The following HIPK2 variants were observed in gnomAD, a reference collection of about 807,000 sequenced individuals.
HIPK2 encodes homeodomain interacting protein kinase 2, also known as homeodomain-interacting protein kinase 2.
Under a neutral mutation model 113.7 loss-of-function variants are expected in HIPK2, and 27 were observed. That is an observed-to-expected ratio of 0.24 (90% CI 0.17 to 0.33). The LOEUF (loss-of-function observed/expected upper bound fraction) is 0.33, where lower values mean the gene tolerates loss of function less well. Ranked by LOEUF, HIPK2 falls within the 10% of genes least tolerant of loss-of-function variation. The pLI is 1.00. For synonymous variants in HIPK2, 631 were observed against 642.2 expected (o/e 0.98, Z 0.26); for missense variants, 1,257 against 1,588.0 (o/e 0.79, Z 3.54).
chr7:139,612,480 A>AACACAG (rs1332539893), intron 9 of HIPK2, among the ~76,000 whole-genome samples: 1 of 152,204 alleles, frequency 6.6e-6, no homozygotes, highest in Non-Finnish European at 1.5e-5. Context: ...TCTGATGAGC[A>AACACAG]AGTTATTCTG....
chr7:139,775,630 G>C (rs922310861), intron 1 of HIPK2, among the ~76,000 whole-genome samples: 6 of 152,086 alleles, frequency 3.9e-5, no homozygotes, highest in African/African-American at 1.4e-4. Flanking sequence ...GGGAAGGAAG[G>C]CTGGCAAATA....
intron 6 of HIPK2, among the ~76,000 whole-genome samples, chr7:139,624,863 G>T (rs532832196): frequency 3.4e-4 from 52 of 152,210 alleles, no homozygotes; most frequent in Admixed American, 5.9e-4. Flanking sequence ...CTGGGGAGAT[G>T]AGTTACACTA....
intron 12 of HIPK2, among the ~76,000 whole-genome samples, chr7:139,586,687 A>T (rs1798841343): frequency 1.3e-5 from 2 of 151,580 alleles, no homozygotes; most frequent in Non-Finnish European, 2.9e-5. Flanking sequence ...GGAGCCCAGG[A>T]GTTTGAGGCT....
chr7:139,582,052 G>A (rs930609349), intron 13 of HIPK2, among the ~76,000 whole-genome samples: 4 of 152,172 alleles, frequency 2.6e-5, no homozygotes, highest in Non-Finnish European at 5.9e-5. Context: ...GAATGACTTC[G>A]GGTGCCTCCC....
chr7:139,594,754 G>A (rs1799139195), intron 12 of HIPK2, among the ~76,000 whole-genome samples: 1 of 152,044 alleles, frequency 6.6e-6, no homozygotes, highest in African/African-American at 2.4e-5. Flanking sequence ...ACATTTTCAC[G>A]ACCCTGGCAG....
At chr7:139,687,292 T>A (rs1038227277) in intron 2 of HIPK2, among the ~76,000 whole-genome samples, 19 of 151,986 alleles carry the variant, frequency 1.3e-4, no homozygotes, top group Non-Finnish European at 2.6e-4. Flanking sequence ...TTTTTAGACA[T>A]GATATAGCAT....
intron 2 of HIPK2, among the ~76,000 whole-genome samples, chr7:139,677,257 G>GAA (rs1569472032): frequency 2.5e-5 from 1 of 39,298 alleles, no homozygotes; most frequent in African/African-American, 9.8e-5. Flanking sequence ...ATATATATAT[G>GAA]GAGACACACA....
At chr7:139,698,425 A>G (rs1794621527) in intron 2 of HIPK2, among the ~76,000 whole-genome samples, 1 of 152,140 alleles carries the variant, frequency 6.6e-6, no homozygotes, top group Non-Finnish European at 1.5e-5. Context: ...ACATGCATGT[A>G]CAAGTATTTG....
chr7:139,658,606 CA>C (rs1402494386), intron 2 of HIPK2, among the ~76,000 whole-genome samples: 1 of 152,200 alleles, frequency 6.6e-6, no homozygotes, highest in East Asian at 1.9e-4. Flanking sequence ...GAAATTTGGA[CA>C]GAGAAGAGTC....
At position 139,638,791 on chromosome 7, in the gene HIPK2, G is replaced by A. The variant is rs189581590; in HGVS notation, c.1104-7066C>T. Among the ~76,000 whole-genome samples, 61 of 151,400 alleles carry A rather than the reference G, an allele frequency of 4.0e-4. No individual in the cohort carries two copies. In the East Asian group the frequency reaches 0.011, roughly 28 times the overall value. The stretch of plus-strand genomic sequence containing the variant: ...TCCTGCCTCAGCCTCCTGAGTAGTT[G>A]GGACTACAGGCGCCCACCACCATGC... On this transcript the variant is annotated intron_variant, in intron 2 of 14. Coordinates refer to ENST00000406875, the MANE Select transcript of HIPK2 (RefSeq NM_022740.5).
At chr7:139,612,844 A>G (rs1051094872) in intron 9 of HIPK2, among the ~76,000 whole-genome samples, 1 of 152,154 alleles carries the variant, frequency 6.6e-6, no homozygotes, top group Non-Finnish European at 1.5e-5. Flanking sequence ...ACTCATTTCT[A>G]TTTTACAAGA....
rs570909247 is a variant in HIPK2, at chr7:139,600,004, G to A, written c.2435+413C>T. Among the ~76,000 whole-genome samples the A allele has an allele frequency of 3.0e-4, 46 of 152,098 alleles. No homozygotes were observed. In the South Asian group the frequency reaches 5.8e-3, roughly 19 times the overall value. On this transcript the variant is annotated intron_variant, in intron 11 of 14. Coordinates refer to ENST00000406875, the MANE Select transcript of HIPK2 (RefSeq NM_022740.5). Reference sequence around the variant, plus strand: ...CTCCAGGTGTGATATCTGATCACCCGGGCCTGTCATTAGCAAGAATCCTGT... The same window carrying A: ...CTCCAGGTGTGATATCTGATCACCCAGGCCTGTCATTAGCAAGAATCCTGT...
intron 11 of HIPK2, among the ~76,000 whole-genome samples, chr7:139,597,410 G>A (rs77205755): frequency 1.2e-3 from 178 of 152,310 alleles, no homozygotes; most frequent in African/African-American, 4.0e-3. Flanking sequence ...AGGTACTTAA[G>A]TCTTGTTTTG....
Position 139,730,580 on chromosome 7 carries a change from C to T in HIPK2, c.20-13565G>A, listed in dbSNP as rs182820231. The stretch of plus-strand genomic sequence containing the variant: ...TTCACCATGTTGGCCAGGCTGGTCT[C>T]AAACTCCTGACCTCTGGTGATCCAC... On this transcript the variant is annotated intron_variant, in intron 1 of 14. Coordinates refer to ENST00000406875, the MANE Select transcript of HIPK2 (RefSeq NM_022740.5). Among the ~76,000 whole-genome samples, 3 of 152,258 alleles carry T rather than the reference C, an allele frequency of 2.0e-5. No homozygotes were observed. In the East Asian group the frequency reaches 5.8e-4, roughly 29 times the overall value.
intron 1 of HIPK2, among the ~76,000 whole-genome samples, chr7:139,752,104 C>T (rs780796001): frequency 7.2e-5 from 11 of 152,212 alleles, no homozygotes; most frequent in Non-Finnish European, 1.6e-4. Context: ...CACTCACAAC[C>T]TTGCTTTTCT....
intron 2 of HIPK2, among the ~76,000 whole-genome samples, chr7:139,667,511 T>C (rs1802089892): frequency 1.3e-5 from 2 of 152,236 alleles, no homozygotes; most frequent in South Asian, 4.1e-4. Flanking sequence ...CTTTTTGATC[T>C]ACCCTTTGTG....
At chr7:139,763,026 G>A (rs1011286573) in intron 1 of HIPK2, among the ~76,000 whole-genome samples, 2 of 152,212 alleles carry the variant, frequency 1.3e-5, no homozygotes, top group African/African-American at 4.8e-5. Flanking sequence ...GAATTAACCA[G>A]GCTGCCAGGC....
intron 2 of HIPK2, among the ~76,000 whole-genome samples, chr7:139,694,622 T>A (rs1794513220): frequency 6.6e-6 from 1 of 152,100 alleles, no homozygotes; most frequent in Non-Finnish European, 1.5e-5. Flanking sequence ...CATTCCCTGG[T>A]GGCCTGATCA....
At position 139,711,288 on chromosome 7, in the gene HIPK2, C is replaced by T. The variant is rs187679411; in HGVS notation, c.1103+4644G>A. Among the ~76,000 whole-genome samples, 993 of 152,148 alleles carry T rather than the reference C, an allele frequency of 6.5e-3. 9 individuals are homozygous for T. The highest frequency in any genetic ancestry group is 0.011 in the Non-Finnish European group (780 of 67,972). On this transcript the variant is annotated intron_variant, in intron 2 of 14. Transcript: ENST00000406875. ...TAAAAATACAAAAAAATTAGCCAGG[C>T]GTGGTCATGGGCGCCTGTAGTCCCA...
Sources: allele counts gnomAD v4.1 joint callset (sites outside exome capture counted in the v4.1 genomes callset), GRCh38; gene constraint gnomAD v4.1.1; transcripts MANE v1.5; gene names NCBI Gene and HGNC (gene_info 2026-07-23, HGNC 2026-07-21).